Variants in TCF7 observed in about 807,000 individuals in gnomAD.
The protein encoded by TCF7 is transcription factor 7.
In TCF7, 19 loss-of-function variants were observed where a neutral mutation model predicts 46.8. The ratio of observed to expected loss-of-function variants is 0.41; its 90% CI spans 0.28 to 0.60. The LOEUF (loss-of-function observed/expected upper bound fraction) is 0.60, where lower values mean the gene tolerates loss of function less well. Ranked by LOEUF, TCF7 falls within the 20% of genes least tolerant of loss-of-function variation. The probability of loss-of-function intolerance (pLI) is 0.35; values close to 1 mark genes in which losing one functional copy is unlikely to be tolerated. For synonymous variants in TCF7, 245 were observed against 213.4 expected (o/e 1.15, Z -1.29); for missense variants, 547 against 504.6 (o/e 1.08, Z -0.81).
At chr5:134,117,550 G>A (rs1386546833) in intron 3 of TCF7, among the ~76,000 whole-genome samples, 1 of 152,230 alleles carries the variant, frequency 6.6e-6, no homozygotes, top group Non-Finnish European at 1.5e-5. Flanking sequence ...ACAGGGAAAA[G>A]GCTTCCTTTC....
intron 8 of TCF7, 81 bp from the exon 9 acceptor site, chr5:134,143,511 T>C: frequency 1.9e-6 from 3 of 1,574,860 alleles, no homozygotes. Context: ...AATCCCAGGG[T>C]TACCCAAGCT....
intron 3 of TCF7, among the ~76,000 whole-genome samples, chr5:134,130,104 G>A (rs368725493): frequency 3.9e-4 from 60 of 152,352 alleles, no homozygotes; most frequent in African/African-American, 1.1e-3. Flanking sequence ...TGCCTGGAGC[G>A]GGGGCTAGGG....
intron 3 of TCF7, among the ~76,000 whole-genome samples, chr5:134,123,457 G>C (rs1756881618): frequency 6.6e-6 from 1 of 152,246 alleles, no homozygotes; most frequent in African/African-American, 2.4e-5. Flanking sequence ...GCTGGAGTTG[G>C]GAAAAGGGCA....
chr5:134,131,074 T>C (rs1208447768), intron 3 of TCF7, among the ~76,000 whole-genome samples: 1 of 151,992 alleles, frequency 6.6e-6, no homozygotes, highest in African/African-American at 2.4e-5. Context: ...GAAAGATGGA[T>C]AGGAGTTTGC....
chr5:134,138,823 TTA>T (rs929971580), intron 4 of TCF7, 126 bp from the exon 5 acceptor site: 25 of 1,409,036 alleles, frequency 1.8e-5, no homozygotes, highest in Non-Finnish European at 1.9e-5. Context: ...ATAAACTAGT[TTA>T]TGTCTGGTCC....
At chr5:134,146,057 G>T in intron 9 of TCF7, 167 bp from the exon 10 acceptor site, 1 of 1,563,766 alleles carries the variant, frequency 6.4e-7, no homozygotes, top group Non-Finnish European at 8.6e-7. Flanking sequence ...CTAGGTCTGG[G>T]CCAGACCAAG....
intron 9 of TCF7, chr5:134,144,633 A>G (rs1580904534): frequency 1.6e-6 from 1 of 609,552 alleles, no homozygotes; most frequent in East Asian, 2.8e-5. Flanking sequence ...TTGGGCTCCC[A>G]CTGGGGCTGG....
chr5:134,114,808 C>G lies in TCF7; in HGVS notation c.-99C>G, dbSNP rs969000014. 3.3e-4 allele frequency: 319 copies of G among 972,386 alleles called. 1 individual carries two copies. Among genetic ancestry groups the G allele is most frequent in the Non-Finnish European group, 3.2e-4 (265 of 820,276 alleles). The allele number at this position is 972,386 out of a possible 1,614,324, so 60.2% of individuals were successfully genotyped here. On this transcript the variant is annotated 5_prime_UTR_variant, in exon 1 of 10. Coordinates refer to ENST00000342854, the MANE Select transcript of TCF7 (RefSeq NM_003202.5). ...CGCGCTCCGCCCGCCGCGATCCGAGCTCGGAGGTTCGGACTCCGGGCTCGC... is the reference window on the plus strand; with the variant it reads ...CGCGCTCCGCCCGCCGCGATCCGAGGTCGGAGGTTCGGACTCCGGGCTCGC...
chr5:134,119,978 C>A (rs536346485), intron 3 of TCF7, among the ~76,000 whole-genome samples: 2 of 152,302 alleles, frequency 1.3e-5, no homozygotes, highest in African/African-American at 4.8e-5. Context: ...CCAGGCTCTA[C>A]CCCGGGAGTG....
Position 134,115,165 on chromosome 5 carries a change from C to A in TCF7, c.249+10C>A. 1 of 1,029,346 alleles carries A rather than the reference C, an allele frequency of 9.7e-7. No individual in the cohort carries two copies. Among genetic ancestry groups the A allele is most frequent in the Non-Finnish European group, 1.2e-6 (1 of 858,388 alleles). The allele number at this position is 1,029,346 out of a possible 1,614,324, so 63.8% of individuals were successfully genotyped here. A position where few individuals can be genotyped will look rare whatever the true frequency, so the allele number is the denominator to read the frequency against. ...CCGCGGCGAGGCCGAGGTGAGCCCCCGCCGGCGCCGGCTCCTCCCCCGCGG... is the reference window on the plus strand; with the variant it reads ...CCGCGGCGAGGCCGAGGTGAGCCCCAGCCGGCGCCGGCTCCTCCCCCGCGG... On this transcript the variant is annotated intron_variant, in intron 1 of 9. Coordinates refer to ENST00000342854, the MANE Select transcript of TCF7 (RefSeq NM_003202.5).
intron 3 of TCF7, among the ~76,000 whole-genome samples, chr5:134,126,414 G>T (rs1330269203): frequency 6.6e-6 from 1 of 152,256 alleles, no homozygotes; most frequent in Non-Finnish European, 1.5e-5. Flanking sequence ...AGAAAGGGCC[G>T]GAGAGGATCT....
intron 8 of TCF7, 109 bp from the exon 9 acceptor site, chr5:134,143,483 A>AG: frequency 2.3e-6 from 3 of 1,293,464 alleles, no homozygotes; most frequent in Non-Finnish European, 3.4e-6. Context: ...CCAAGGTAGG[A>AG]GGGGCCTGTA....
intron 3 of TCF7, among the ~76,000 whole-genome samples, chr5:134,137,703 G>T (rs181532554): frequency 2.6e-5 from 4 of 151,010 alleles, no homozygotes; most frequent in Admixed American, 2.6e-4. Flanking sequence ...GTAGGCCTGG[G>T]TCCTCAGGCC....
intron 5 of TCF7, chr5:134,141,575 G>A (rs893036661): frequency 2.0e-5 from 3 of 152,262 alleles, no homozygotes; most frequent in African/African-American, 7.2e-5. Context: ...GGAGAGCTTC[G>A]CGGAAAGAGT....
At chr5:134,130,845 A>G (rs1489918525) in intron 3 of TCF7, among the ~76,000 whole-genome samples, 1 of 151,970 alleles carries the variant, frequency 6.6e-6, no homozygotes. Flanking sequence ...CCTGCACTGG[A>G]CTCAACTTCA....
intron 6 of TCF7, 105 bp from the exon 7 acceptor site, chr5:134,142,616 T>A: frequency 7.0e-7 from 1 of 1,430,258 alleles, no homozygotes; most frequent in Non-Finnish European, 9.4e-7. Flanking sequence ...TAGAAAACTC[T>A]GGTATCATAC....
intron 9 of TCF7, chr5:134,145,935 T>A (rs780625525): frequency 3.2e-5 from 48 of 1,498,110 alleles, no homozygotes; most frequent in Non-Finnish European, 4.3e-5. Context: ...GGGAGATGAC[T>A]CCCTTGGAAG....
intron 3 of TCF7, among the ~76,000 whole-genome samples, chr5:134,131,161 AGT>A (rs1320816675): frequency 6.6e-6 from 1 of 152,146 alleles, no homozygotes; most frequent in African/African-American, 2.4e-5. Flanking sequence ...TGGAGCACAG[AGT>A]GAGAAGGGGA....
At chr5:134,124,547 C>T (rs1406588042) in intron 3 of TCF7, among the ~76,000 whole-genome samples, 1 of 152,154 alleles carries the variant, frequency 6.6e-6, no homozygotes, top group African/African-American at 2.4e-5. Flanking sequence ...TAGCAGACTA[C>T]TCTAGAGCCG....
Sources: allele counts gnomAD v4.1 joint callset (sites outside exome capture counted in the v4.1 genomes callset), GRCh38; gene constraint gnomAD v4.1.1; transcripts MANE v1.5; gene names NCBI Gene and HGNC (gene_info 2026-07-23, HGNC 2026-07-21).